The following GALC variants were observed in gnomAD, a reference collection of about 807,000 sequenced individuals.
GALC encodes the protein galactocerebrosidase.
GALC carries 77 observed loss-of-function variants against 91.8 expected under a neutral mutation model. That is an observed-to-expected ratio of 0.84 (90% CI 0.70 to 1.01). The LOEUF (loss-of-function observed/expected upper bound fraction) is 1.01. Among genes scored for constraint, GALC ranks in the 50% least tolerant of loss-of-function variants. The pLI, the probability that GALC is intolerant of heterozygous loss-of-function variation, is 0.00. For missense variants in GALC, 882 were observed against 855.9 expected, an observed-to-expected ratio of 1.03 and a Z score of -0.38; for synonymous variants, 357 against 306.7, an observed-to-expected ratio of 1.16 and a Z score of -1.71.
rs2139925229 is a variant in GALC, at chr14:87,934,664, T to C, written c.*68A>G. 1.2e-6 allele frequency: 2 copies of C among 1,610,070 alleles called. No homozygotes were observed. The highest frequency in any genetic ancestry group is 1.7e-6 in the Non-Finnish European group (2 of 1,178,304). ...ATATACTGTTCCAATGAAACAAGAA[T>C]TGGCTCTGAACCAAAACCAAAAAGA... On this transcript the variant is annotated 3_prime_UTR_variant, in exon 17 of 17. Transcript: ENST00000261304.
chr14:87,950,060 A>G (rs1885240251), intron 11 of GALC, 129 bp from the exon 12 acceptor site: 1 of 534,404 alleles, frequency 1.9e-6, no homozygotes, highest in African/African-American at 2.0e-5. Context: ...AAACACCTCA[A>G]ATATTAAATA....
At chr14:87,937,794 T>C (rs930333094) in intron 16 of GALC, among the ~76,000 whole-genome samples, 6 of 151,742 alleles carry the variant, frequency 4.0e-5, no homozygotes, top group Admixed American at 3.3e-4. Flanking sequence ...AAAAAACTCA[T>C]AAAATTACTA....
intron 10 of GALC, chr14:87,953,029 G>A: frequency 8.0e-7 from 1 of 1,254,566 alleles, no homozygotes; most frequent in Non-Finnish European, 1.2e-6. Flanking sequence ...GATTTGGTTT[G>A]TAGTACTAAA....
intron 1 of GALC, chr14:87,992,386 G>A (rs1887238661): frequency 4.6e-6 from 7 of 1,535,540 alleles, no homozygotes; most frequent in Non-Finnish European, 6.1e-6. Context: ...TCCTTTTAAA[G>A]AGACCTTGAG....
At chr14:87,984,962 A>G (rs982603190) in intron 4 of GALC, among the ~76,000 whole-genome samples, 11 of 152,240 alleles carry the variant, frequency 7.2e-5, no homozygotes, top group African/African-American at 2.7e-4. Flanking sequence ...TGTATAACAC[A>G]AATTTATCAT....
chr14:87,941,991 T>G (rs1464457143), intron 14 of GALC, among the ~76,000 whole-genome samples: 1 of 151,980 alleles, frequency 6.6e-6, no homozygotes, highest in Non-Finnish European at 1.5e-5. Flanking sequence ...CTAGGAGCCT[T>G]TGAGAGAACA....
chr14:87,949,902 A>G lies in GALC; in HGVS notation c.1281T>C (p.Tyr427=), dbSNP rs758736879. 8 of 1,591,636 alleles carry G rather than the reference A, an allele frequency of 5.0e-6. No homozygotes were observed. In the Admixed American group the frequency reaches 1.0e-4, roughly 20 times the overall value. The change falls in exon 12 of 17, where the codon TAT becomes TAC. Residue 427 remains tyrosine, a synonymous_variant. Transcript: ENST00000261304. ...TTTCGGATGTTTTTCCAAGTTTGGT[A>G]TACCATACCTGTAGCTCTGGTATTT... ...FSEIPELQVW[Y]TKLGKTSERF... is the part of the protein sequence containing the mutation.
Position 87,989,810 on chromosome 14 carries a change from G to T in GALC, c.196-1287C>A, listed in dbSNP as rs1167222239. ...TCACGAAACTCTTCCATGTAAACATGCTAAGACCGTCCCTTTCCCAAAAGC... is the reference window on the plus strand; with the variant it reads ...TCACGAAACTCTTCCATGTAAACATTCTAAGACCGTCCCTTTCCCAAAAGC... On this transcript the variant is annotated intron_variant, in intron 1 of 16. Coordinates refer to ENST00000261304, the MANE Select transcript of GALC (RefSeq NM_000153.4). 2.6e-5 allele frequency among the ~76,000 whole-genome samples: 4 copies of T among 152,152 alleles called. No individual in the cohort carries two copies. The East Asian group carries it at 7.7e-4, about 29-fold the overall frequency.
intron 10 of GALC, among the ~76,000 whole-genome samples, chr14:87,962,234 T>C (rs1222968825): frequency 1.3e-5 from 2 of 152,152 alleles, no homozygotes; most frequent in Admixed American, 6.6e-5. Flanking sequence ...AGGGAGGTTA[T>C]CTGGGTCTTT....
intron 16 of GALC, among the ~76,000 whole-genome samples, chr14:87,935,944 C>G (rs1429608808): frequency 6.6e-6 from 1 of 152,050 alleles, no homozygotes; most frequent in Non-Finnish European, 1.5e-5. Flanking sequence ...CTATCTTCAG[C>G]TCTAGAAGTG....
intron 14 of GALC, among the ~76,000 whole-genome samples, chr14:87,942,112 G>T (rs150580065): frequency 1.7e-3 from 260 of 151,980 alleles, no homozygotes; most frequent in African/African-American, 5.9e-3. Context: ...GACTCTCTAG[G>T]AGGGCTTCTC....
intron 8 of GALC, among the ~76,000 whole-genome samples, chr14:87,967,954 A>G (rs1268800797): frequency 6.6e-6 from 1 of 152,204 alleles, no homozygotes; most frequent in Non-Finnish European, 1.5e-5. Context: ...TGAAAACATG[A>G]TACTGTGATC....
chr14:87,943,171 C>T (rs1261565156), intron 14 of GALC, among the ~76,000 whole-genome samples: 5 of 152,032 alleles, frequency 3.3e-5, no homozygotes, highest in Non-Finnish European at 7.4e-5. Flanking sequence ...GCCACAATCT[C>T]TCAGTAATGC....
intron 5 of GALC, 45 bp downstream of exon 5, chr14:87,984,349 A>C (rs1292029031): frequency 6.4e-7 from 1 of 1,563,348 alleles, no homozygotes; most frequent in Admixed American, 1.8e-5. Flanking sequence ...TCTAAATTAC[A>C]AACAAATGTC....
At chr14:87,987,141 C>T (rs1887010243) in intron 3 of GALC, 1 of 431,826 alleles carries the variant, frequency 2.3e-6, no homozygotes, top group Admixed American at 2.7e-5. Context: ...ATACTAACAT[C>T]TGCAGTTAGT....
chr14:87,973,204 C>T (rs188471810), intron 7 of GALC, among the ~76,000 whole-genome samples: 12 of 152,230 alleles, frequency 7.9e-5, no homozygotes, highest in Admixed American at 1.3e-4. Flanking sequence ...TAAACATCAA[C>T]AAACATCTGA....
intron 9 of GALC, among the ~76,000 whole-genome samples, chr14:87,964,776 C>T (rs1321555744): frequency 6.6e-6 from 1 of 152,136 alleles, no homozygotes; most frequent in Non-Finnish European, 1.5e-5. Flanking sequence ...CCTCCATTGA[C>T]AATTCATCTC....
intron 10 of GALC, among the ~76,000 whole-genome samples, chr14:87,962,007 A>T (rs981043777): frequency 6.6e-6 from 1 of 152,078 alleles, no homozygotes; most frequent in Non-Finnish European, 1.5e-5. Context: ...CTTCCTTCCC[A>T]GGGTCAGCTA....
In GALC at chr14:87,933,460, T is replaced by C. The variant is rs1196266869; in HGVS notation, c.*1272A>G. ...TAAATTACACCTCTATAATGTTCGT[T>C]TTAAAAAATATTAGATACATCAGCT... On this transcript the variant is annotated 3_prime_UTR_variant, in exon 17 of 17. Coordinates refer to ENST00000261304, the MANE Select transcript of GALC (RefSeq NM_000153.4). The C allele has an allele frequency of 1.3e-5, 2 of 152,760 alleles. No homozygotes were observed. The highest frequency in any genetic ancestry group is 2.9e-5 in the Non-Finnish European group (2 of 68,096). 9.5% of individuals were successfully genotyped at this position (152,760 alleles called of 1,614,324 possible). A position where few individuals can be genotyped will look rare whatever the true frequency, so the allele number is the denominator to read the frequency against.
Sources: gnomAD v4.1 joint callset for allele counts (sites outside exome capture counted in the v4.1 genomes callset) on GRCh38, gnomAD v4.1.1 for gene constraint, MANE v1.5 for transcripts, NCBI Gene and HGNC (gene_info 2026-07-23, HGNC 2026-07-21) for gene names.